The following PRXL2C variants were observed in gnomAD, a reference collection of about 807,000 sequenced individuals.
PRXL2C encodes the protein peroxiredoxin-like 2C.
A neutral mutation model predicts 24.9 loss-of-function variants in PRXL2C; 38 were observed. That is an observed-to-expected ratio of 1.53 (90% CI 1.18 to 2.00). PRXL2C has a LOEUF of 2.00. Ranked by LOEUF, PRXL2C falls within the 30% of genes most tolerant of loss-of-function variation. The probability of loss-of-function intolerance (pLI) is 0.00; values close to 1 mark genes in which losing one functional copy is unlikely to be tolerated. For synonymous variants in PRXL2C, 98 were observed against 117.2 expected, an observed-to-expected ratio of 0.84 and a Z score of 1.06; for missense variants, 294 against 290.9, an observed-to-expected ratio of 1.01 and a Z score of -0.08.
At position 96,641,889 on chromosome 9, in the gene PRXL2C, A is replaced by C. The variant is rs759471293; in HGVS notation, c.554-3T>G. 5 of 1,486,456 alleles carry C rather than the reference A, an allele frequency of 3.4e-6. No homozygotes were observed. In the African/African-American group the frequency reaches 6.9e-5, roughly 21 times the overall value. 92.1% of individuals were successfully genotyped at this position (1,486,456 alleles called of 1,614,324 possible). On this transcript the variant is annotated splice_polypyrimidine_tract_variant and splice_region_variant and intron_variant, in intron 5 of 5. Transcript: ENST00000375234. ...GTGTATAAAATGGATGTTGTTACCT[A>C]GAAGAGAATAAGAATAAAAGGCTGA...
intron 5 of PRXL2C, among the ~76,000 whole-genome samples, chr9:96,645,593 C>G (rs1848186906): frequency 6.6e-6 from 1 of 151,468 alleles, no homozygotes; most frequent in Non-Finnish European, 1.5e-5. Flanking sequence ...GTCAGGAGAC[C>G]GAGACCATCC....
intron 2 of PRXL2C, among the ~76,000 whole-genome samples, chr9:96,653,884 A>C (rs1848310411): frequency 6.6e-6 from 1 of 151,306 alleles, no homozygotes; most frequent in African/African-American, 2.4e-5. Context: ...TCTGTCGCCC[A>C]GGCTGGAGTG....
chr9:96,646,034 C>A lies in PRXL2C; in HGVS notation c.422-10G>T. On this transcript the variant is annotated splice_polypyrimidine_tract_variant and intron_variant, in intron 4 of 5. Transcript: ENST00000375234. ...ATGTGGGGGCTCTGTCCTGAAATGT[C>A]GAAAATTGTCTTTAGATGTCATTTT... 6.3e-7 allele frequency: 1 copy of A among 1,586,448 alleles called. No homozygotes were observed. The highest frequency in any genetic ancestry group is 1.2e-5 in the South Asian group (1 of 86,158).
At chr9:96,645,853 C>A in intron 5 of PRXL2C, 40 bp downstream of exon 5, 1 of 1,543,018 alleles carries the variant, frequency 6.5e-7, no homozygotes, top group South Asian at 1.2e-5. Flanking sequence ...TTGTAAAAAG[C>A]ACAAGACGTC....
Position 96,651,703 on chromosome 9 carries a change from C to T in PRXL2C, c.271G>A (p.Val91Ile). ...GACTGTCCAATCACTATAAGGGTGA[C>T]ATTTGCTTCCTTAGGAGAAAAAAAA... Reference protein sequence around the residue: ...IPRSFLQEANVTLIVIGQSSY... With the variant: ...IPRSFLQEANITLIVIGQSSY... Residue 91 changes from valine (V) to isoleucine (I), a missense_variant, in exon 3 of 6, where the codon GTC becomes ATC. Transcript: ENST00000375234. The T allele has an allele frequency of 6.2e-7, 1 of 1,608,594 alleles. No individual in the cohort carries two copies. The highest frequency in any genetic ancestry group is 8.5e-7 in the Non-Finnish European group (1 of 1,177,098).
rs1359134601 is a variant in PRXL2C, at chr9:96,641,691, T to C, written c.*68A>G. On this transcript the variant is annotated 3_prime_UTR_variant, in exon 6 of 6. Coordinates refer to ENST00000375234, the MANE Select transcript of PRXL2C (RefSeq NM_153698.2). Reference sequence around the variant, plus strand: ...CAGCAGGTTAGACACTGCACGAGGATATTACACCCAGGCATTGAAGGTCAC... The same window carrying C: ...CAGCAGGTTAGACACTGCACGAGGACATTACACCCAGGCATTGAAGGTCAC... The C allele has an allele frequency of 6.9e-7, 1 of 1,456,870 alleles. No homozygotes were observed. The highest frequency in any genetic ancestry group is 2.4e-5 in the East Asian group (1 of 41,010). 90.2% of individuals were successfully genotyped at this position (1,456,870 alleles called of 1,614,324 possible). A position where few individuals can be genotyped will look rare whatever the true frequency, so the allele number is the denominator to read the frequency against.
intron 5 of PRXL2C, among the ~76,000 whole-genome samples, chr9:96,642,251 A>C (rs1848127445): frequency 6.6e-6 from 1 of 152,146 alleles, no homozygotes; most frequent in Non-Finnish European, 1.5e-5. Context: ...TCTTAAATCT[A>C]ATAATAGAAT....
chr9:96,645,392 C>A (rs1848183764), intron 5 of PRXL2C, among the ~76,000 whole-genome samples: 1 of 152,012 alleles, frequency 6.6e-6, no homozygotes, highest in Admixed American at 6.6e-5. Context: ...ACATAAACAT[C>A]AAAATATACA....
In PRXL2C at chr9:96,651,677, T is replaced by A; in HGVS notation, c.297A>T (p.Ser99=). The A allele has an allele frequency of 6.2e-7, 1 of 1,610,884 alleles. No homozygotes were observed. The highest frequency in any genetic ancestry group is 2.2e-5 in the East Asian group (1 of 44,784). Residue 99 remains serine (S), a synonymous_variant, in exon 3 of 6, where the codon TCA becomes TCT. Transcript: ENST00000375234. ...ANVTLIVIGQ[S]SYHHIEPFCK... is the part of the protein sequence containing the mutation. Reference sequence around the variant, plus strand: ...TATTTACCTCAATATGATGGTAGGATGACTGTCCAATCACTATAAGGGTGA... The same window carrying A: ...TATTTACCTCAATATGATGGTAGGAAGACTGTCCAATCACTATAAGGGTGA...
intron 4 of PRXL2C, among the ~76,000 whole-genome samples, chr9:96,648,965 G>T (rs925628999): frequency 4.6e-5 from 7 of 152,110 alleles, no homozygotes; most frequent in Middle Eastern, 3.4e-3. Context: ...TAGAGACAGG[G>T]TTTCTCCATG....
rs1848334647 is a variant in PRXL2C at position 96,655,076 on chromosome 9, C to G, written c.192+14G>C. 4.1e-6 allele frequency: 6 copies of G among 1,457,302 alleles called. No homozygotes were observed. The highest frequency in any genetic ancestry group is 5.4e-6 in the Non-Finnish European group (6 of 1,111,118). The allele number at this position is 1,457,302 out of a possible 1,614,324, so 90.3% of individuals were successfully genotyped here. ...CTGGGCCGCGCTTCCCTTCCAGCCC[C>G]GCCGCCCGCTCACCCGCACGAACAC... On this transcript the variant is annotated intron_variant, in intron 1 of 5. Transcript: ENST00000375234.
chr9:96,644,005 C>T (rs971264208), intron 5 of PRXL2C, among the ~76,000 whole-genome samples: 6 of 151,658 alleles, frequency 4.0e-5, no homozygotes, highest in African/African-American at 9.7e-5. Context: ...TGGTGGCAGG[C>T]GCCTGTAGTC....
rs542786610 is a variant in PRXL2C, at chr9:96,644,019, G to C, written c.553+1874C>G. Reference sequence around the variant, plus strand: ...GTGGTGGCAGGCGCCTGTAGTCCCAGCTACTAGGGAGACTGAGGCAGGAAA... The same window carrying C: ...GTGGTGGCAGGCGCCTGTAGTCCCACCTACTAGGGAGACTGAGGCAGGAAA... On this transcript the variant is annotated intron_variant, in intron 5 of 5. Coordinates refer to ENST00000375234, the MANE Select transcript of PRXL2C (RefSeq NM_153698.2). Among the ~76,000 whole-genome samples the C allele has an allele frequency of 1.6e-4, 24 of 151,704 alleles. No individual in the cohort carries two copies. The South Asian group carries it at 4.4e-3, about 28-fold the overall frequency.
chr9:96,650,426 G>A (rs1341665794), intron 4 of PRXL2C, among the ~76,000 whole-genome samples: 2 of 152,270 alleles, frequency 1.3e-5, no homozygotes, highest in South Asian at 2.1e-4. Context: ...TGTGGCAAGG[G>A]CAGAGAACAC....
intron 2 of PRXL2C, among the ~76,000 whole-genome samples, chr9:96,653,431 A>C (rs1848302097): frequency 6.6e-6 from 1 of 152,156 alleles, no homozygotes; most frequent in Admixed American, 6.6e-5. Flanking sequence ...GTTACCAGAG[A>C]CTGGTTACTC....
chr9:96,644,276 CCTGT>C (rs1240762906), intron 5 of PRXL2C, among the ~76,000 whole-genome samples: 2 of 151,980 alleles, frequency 1.3e-5, no homozygotes, highest in Non-Finnish European at 2.9e-5. Flanking sequence ...GCTTTTGGGC[CCTGT>C]CTGATAAGGG....
At chr9:96,654,607 T>A in intron 2 of PRXL2C, 98 bp downstream of exon 2, 1 of 1,108,166 alleles carries the variant, frequency 9.0e-7, no homozygotes, top group Non-Finnish European at 1.3e-6. Flanking sequence ...GGAGGGGCAA[T>A]CCAGGCTGCA....
At chr9:96,654,204 C>A (rs1848315094) in intron 2 of PRXL2C, among the ~76,000 whole-genome samples, 1 of 152,274 alleles carries the variant, frequency 6.6e-6, no homozygotes, top group South Asian at 2.1e-4. Context: ...GAAAGAACAT[C>A]TGTTTTATAA....
intron 5 of PRXL2C, among the ~76,000 whole-genome samples, chr9:96,644,652 AT>A: frequency 6.6e-6 from 1 of 150,978 alleles, no homozygotes; most frequent in East Asian, 2.0e-4. Flanking sequence ...CGCCCGGCTA[AT>A]TTTTTGTACT....
Sources: gnomAD v4.1 joint callset for allele counts (sites outside exome capture counted in the v4.1 genomes callset) on GRCh38, gnomAD v4.1.1 for gene constraint, MANE v1.5 for transcripts, NCBI Gene and HGNC (gene_info 2026-07-23, HGNC 2026-07-21) for gene names.